Variants in NNAT observed in about 807,000 individuals in gnomAD.
The protein encoded by NNAT is neuronatin.
NNAT carries 8 observed loss-of-function variants against 12.7 expected under a neutral mutation model. The observed-to-expected ratio is 0.63, with a 90% confidence interval of 0.37 to 1.14. The LOEUF is 1.14. Ranked by LOEUF, NNAT falls within the 50% of genes most tolerant of loss-of-function variation. The pLI, the probability that NNAT is intolerant of heterozygous loss-of-function variation, is 0.01. For synonymous variants in NNAT, 52 were observed against 48.5 expected (o/e 1.07, Z -0.30); for missense variants, 94 against 108.3 (o/e 0.87, Z 0.59).
In NNAT at chr20:37,523,209, C is replaced by T. The variant is rs1346530629; in HGVS notation, c.*450C>T. On this transcript the variant is annotated 3_prime_UTR_variant, in exon 3 of 3. Coordinates refer to ENST00000649451, the MANE Select transcript of NNAT (RefSeq NM_005386.4). ...CTGAATCTTGGTGCAGCACCAACCG[C>T]GTGCCTGTGTGGCGGGACTGGAGGG... 3.8e-5 allele frequency: 6 copies of T among 156,590 alleles called. No homozygotes were observed. Among genetic ancestry groups the T allele is most frequent in the African/African-American group, 9.6e-5 (4 of 41,602 alleles). 9.7% of individuals were successfully genotyped at this position (156,590 alleles called of 1,614,324 possible). A position where few individuals can be genotyped will look rare whatever the true frequency, so the allele number is the denominator to read the frequency against.
intron 2 of NNAT, 78 bp from the exon 3 acceptor site, chr20:37,522,589 C>CGGGGGGGGGGG: frequency 1.5e-6 from 1 of 662,386 alleles, no homozygotes; most frequent in Non-Finnish European, 2.1e-6. Context: ...GGGGGTGGGG[C>CGGGGGGGGGGG]GGGGGTGGGC....
chr20:37,521,534 G>A lies in NNAT; in HGVS notation c.72+131G>A, dbSNP rs1436571915. The A allele has an allele frequency of 4.4e-6, 4 of 919,502 alleles. No homozygotes were observed. Among genetic ancestry groups the A allele is most frequent in the Admixed American group, 4.0e-5 (2 of 49,926 alleles). 57.0% of individuals were successfully genotyped at this position (919,502 alleles called of 1,614,324 possible). A position where few individuals can be genotyped will look rare whatever the true frequency, so the allele number is the denominator to read the frequency against. ...TGCCGCGATCCTTGCCTGCCCAAGT[G>A]CCGCTGCCGGCACCGCGCGCCCCCT... On this transcript the variant is annotated intron_variant, in intron 1 of 2. Transcript: ENST00000649451. The surrounding 1 kb of genome is among the most constrained non-coding windows in gnomAD (Gnocchi z 4.5).
At position 37,523,043 on chromosome 20, in the gene NNAT, G is replaced by A; in HGVS notation, c.*284G>A. The stretch of plus-strand genomic sequence containing the variant: ...GCAGACCCCTGAGATCTGGGCATAG[G>A]CACCGCATTCTGATCTGGACAAAGT... On this transcript the variant is annotated 3_prime_UTR_variant, in exon 3 of 3. Coordinates refer to ENST00000649451, the MANE Select transcript of NNAT (RefSeq NM_005386.4). The A allele has an allele frequency of 2.6e-6, 1 of 391,068 alleles. No individual in the cohort carries two copies. The allele number at this position is 391,068 out of a possible 1,614,324, so 24.2% of individuals were successfully genotyped here. A position where few individuals can be genotyped will look rare whatever the true frequency, so the allele number is the denominator to read the frequency against.
Position 37,521,290 on chromosome 20 carries a change from C to T in NNAT, c.-42C>T. 3 of 1,605,880 alleles carry T rather than the reference C, an allele frequency of 1.9e-6. No individual in the cohort carries two copies. Among genetic ancestry groups the T allele is most frequent in the East Asian group, 2.2e-5 (1 of 44,792 alleles). ...GGACTCCGAGACCAGCGGATCTCGG[C>T]AAACCCTCTTTCTCGACCACCCACC... On this transcript the variant is annotated 5_prime_UTR_variant, in exon 1 of 3. Coordinates refer to ENST00000649451, the MANE Select transcript of NNAT (RefSeq NM_005386.4). This position sits in a 1 kb window ranked among gnomAD's most constrained non-coding sequence, Gnocchi z 4.5.
chr20:37,523,003 G>A lies in NNAT; in HGVS notation c.*244G>A, dbSNP rs905666459. The stretch of plus-strand genomic sequence containing the variant: ...ACTAAGGGGCAGGGTCGAGAGAGGA[G>A]GGGGGATAGGGGGAGCAGACCCCTG... On this transcript the variant is annotated 3_prime_UTR_variant, in exon 3 of 3. Transcript: ENST00000649451. 2 of 461,350 alleles carry A rather than the reference G, an allele frequency of 4.3e-6. No individual in the cohort carries two copies. The highest frequency in any genetic ancestry group is 7.7e-6 in the Non-Finnish European group (2 of 259,458). The allele number at this position is 461,350 out of a possible 1,614,324, so 28.6% of individuals were successfully genotyped here. A position where few individuals can be genotyped will look rare whatever the true frequency, so the allele number is the denominator to read the frequency against.
In NNAT at chr20:37,521,952, GA is replaced by G. The variant is rs538352293; in HGVS notation, c.73-402del. Among the ~76,000 whole-genome samples, 525 of 149,618 alleles carry G rather than the reference GA, an allele frequency of 3.5e-3. 2 individuals carry two copies. Among genetic ancestry groups the G allele is most frequent in the African/African-American group, 0.012 (489 of 40,946 alleles). On this transcript the variant is annotated intron_variant, in intron 1 of 2. Transcript: ENST00000649451. This position sits in a 1 kb window ranked among gnomAD's most constrained non-coding sequence, Gnocchi z 4.5. ...GAATTAGAGAAAAAGTAGTTCACAG[GA>G]AAACAGAAAAACGCGCATTGCAGGA... is the stretch of plus-strand genomic sequence containing the variant.
At chr20:37,522,213 A>G (rs1415155063) in intron 1 of NNAT, 145 bp from the exon 2 acceptor site, 3 of 412,118 alleles carry the variant, frequency 7.3e-6, no homozygotes, top group Admixed American at 4.4e-5. Context: ...AAAATAAAAA[A>G]GAGGCAAAAG....
At position 37,523,249 on chromosome 20, in the gene NNAT, G is replaced by A. The variant is rs1247854724; in HGVS notation, c.*490G>A. 1 of 153,730 alleles carries A rather than the reference G, an allele frequency of 6.5e-6. No homozygotes were observed. Among genetic ancestry groups the A allele is most frequent in the Admixed American group, 6.5e-5 (1 of 15,322 alleles). 9.5% of individuals were successfully genotyped at this position (153,730 alleles called of 1,614,324 possible). A position where few individuals can be genotyped will look rare whatever the true frequency, so the allele number is the denominator to read the frequency against. On this transcript the variant is annotated 3_prime_UTR_variant, in exon 3 of 3. Transcript: ENST00000649451. The stretch of plus-strand genomic sequence containing the variant: ...GGACTGGAGGGCACAGTTGAGGAAG[G>A]AGGGTGGTTAAGAAATACAGTGGGG...
intron 2 of NNAT, 108 bp downstream of exon 2, chr20:37,522,546 T>C (rs2071621081): frequency 4.7e-6 from 5 of 1,064,210 alleles, no homozygotes. Context: ...CGCGCCCGCC[T>C]CTCCAGCCTA....
In NNAT at chr20:37,522,977, C is replaced by A; in HGVS notation, c.*218C>A. The A allele has an allele frequency of 2.0e-6, 1 of 501,224 alleles. No homozygotes were observed. The highest frequency in any genetic ancestry group is 3.5e-6 in the Non-Finnish European group (1 of 281,772). The allele number at this position is 501,224 out of a possible 1,614,324, so 31.0% of individuals were successfully genotyped here. On this transcript the variant is annotated 3_prime_UTR_variant, in exon 3 of 3. Coordinates refer to ENST00000649451, the MANE Select transcript of NNAT (RefSeq NM_005386.4). ...CTTCCCAACCCCTTTGCACCGGTCC[C>A]ACTAAGGGGCAGGGTCGAGAGAGGA...
chr20:37,522,791 C>A lies in NNAT; in HGVS notation c.*32C>A. ...AGCTCCCAGCCCTGGGCGGCCGTAT[C>A]ATCAGGTGCTCCTGTGCATCTCGGC... is the stretch of plus-strand genomic sequence containing the variant. On this transcript the variant is annotated 3_prime_UTR_variant, in exon 3 of 3. Coordinates refer to ENST00000649451, the MANE Select transcript of NNAT (RefSeq NM_005386.4). 6.5e-7 allele frequency: 1 copy of A among 1,550,176 alleles called. No homozygotes were observed. Among genetic ancestry groups the A allele is most frequent in the South Asian group, 1.2e-5 (1 of 84,746 alleles).
chr20:37,522,598 G>GGTGGCC, intron 2 of NNAT, 69 bp from the exon 3 acceptor site: 1 of 864,476 alleles, frequency 1.2e-6, no homozygotes, highest in Non-Finnish European at 1.7e-6. Context: ...GCGGGGGTGG[G>GGTGGCC]CACGGCAGCA....
At position 37,522,419 on chromosome 20, in the gene NNAT, A is replaced by T. The variant is rs777055039; in HGVS notation, c.134A>T (p.Gln45Leu). ...GCTTTTCGAAATCCTCCAGGGACAC[A>T]GCCCATTGCGAGAAGTGAGGTATAC... ...GFAFRNPPGTQPIARSEVFRY... is the reference protein window; with the variant it reads ...GFAFRNPPGTLPIARSEVFRY... The change falls in exon 2 of 3, where the codon CAG (glutamine) becomes CTG (leucine). Residue 45 changes from glutamine (Q) to leucine (L), a missense_variant. Coordinates refer to ENST00000649451, the MANE Select transcript of NNAT (RefSeq NM_005386.4). The T allele has an allele frequency of 1.9e-6, 3 of 1,614,018 alleles. No individual in the cohort carries two copies. In the Admixed American group the frequency reaches 5.0e-5, roughly 27 times the overall value.
Position 37,523,104 on chromosome 20 carries a change from A to G in NNAT, c.*345A>G. On this transcript the variant is annotated 3_prime_UTR_variant, in exon 3 of 3. Coordinates refer to ENST00000649451, the MANE Select transcript of NNAT (RefSeq NM_005386.4). ...CCATCCCAGCCCCGAAGCCAGGGCCATGCCAGCAGGCCCCACCATGGAAAT... is the reference window on the plus strand; with the variant it reads ...CCATCCCAGCCCCGAAGCCAGGGCCGTGCCAGCAGGCCCCACCATGGAAAT... The G allele has an allele frequency of 4.0e-6, 1 of 247,510 alleles. No individual in the cohort carries two copies. Among genetic ancestry groups the G allele is most frequent in the Non-Finnish European group, 7.7e-6 (1 of 129,454 alleles). The allele number at this position is 247,510 out of a possible 1,614,324, so 15.3% of individuals were successfully genotyped here.
chr20:37,522,273 A>C (rs946642094), intron 1 of NNAT, 85 bp from the exon 2 acceptor site: 2 of 1,067,374 alleles, frequency 1.9e-6, no homozygotes, highest in African/African-American at 1.6e-5. Context: ...TGCCCATAAA[A>C]TCATTTACCC....
At chr20:37,522,202 AAAAAT>A (rs1262201664) in intron 1 of NNAT, among the ~76,000 whole-genome samples, 151 bp from the exon 2 acceptor site, 1 of 150,804 alleles carries the variant, frequency 6.6e-6, no homozygotes, top group African/African-American at 2.4e-5. Context: ...TAATAATAAA[AAAAAT>A]AAAAAAGAGG....
At position 37,521,436 on chromosome 20, in the gene NNAT, T is replaced by C. The variant is rs1375515402; in HGVS notation, c.72+33T>C. 2 of 1,603,876 alleles carry C rather than the reference T, an allele frequency of 1.2e-6. No individual in the cohort carries two copies. Among genetic ancestry groups the C allele is most frequent in the East Asian group, 2.2e-5 (1 of 44,802 alleles). On this transcript the variant is annotated intron_variant, in intron 1 of 2. Transcript: ENST00000649451. The surrounding 1 kb of genome is among the most constrained non-coding windows in gnomAD (Gnocchi z 4.5). ...TGACGGGGTTTCGGGTGGGAGAGGG[T>C]TCCCAACTCGCGCCCCTAGAACCCG... is the stretch of plus-strand genomic sequence containing the variant.
Position 37,522,868 on chromosome 20 carries a change from G to A in NNAT, c.*109G>A, listed in dbSNP as rs1209933714. ...AATGTGGGGTCCCCTGTGTTCCCTC[G>A]CCAGAGGAGCACTTGGCAAGGTCAG... On this transcript the variant is annotated 3_prime_UTR_variant, in exon 3 of 3. Coordinates refer to ENST00000649451, the MANE Select transcript of NNAT (RefSeq NM_005386.4). 3.1e-6 allele frequency: 3 copies of A among 967,670 alleles called. No homozygotes were observed. The highest frequency in any genetic ancestry group is 1.6e-5 in the African/African-American group (1 of 60,802). The allele number at this position is 967,670 out of a possible 1,614,324, so 59.9% of individuals were successfully genotyped here.
intron 2 of NNAT, 36 bp downstream of exon 2, chr20:37,522,474 C>T (rs777233968): frequency 6.3e-7 from 1 of 1,582,132 alleles, no homozygotes; most frequent in East Asian, 2.2e-5. Context: ...AGCTTGCCGC[C>T]ATGCAGCTCT....
Sources: gnomAD v4.1 joint callset for allele counts (sites outside exome capture counted in the v4.1 genomes callset) on GRCh38, gnomAD v4.1.1 for gene constraint, Gnocchi (gnomAD v3.1) non-coding constraint, MANE v1.5 for transcripts, NCBI Gene and HGNC (gene_info 2026-07-23, HGNC 2026-07-21) for gene names.